FBXL7: variants seen among roughly 807,000 people sequenced by gnomAD.
FBXL7 encodes F-box/LRR-repeat protein 7.
In FBXL7, 12 loss-of-function variants were observed where a neutral mutation model predicts 38.3. The observed-to-expected ratio is 0.31, with a 90% CI of 0.20 to 0.51. The LOEUF is 0.51. FBXL7 is among the 20% of genes least tolerant of loss of function. The pLI is 0.98. For synonymous variants in FBXL7, 297 were observed against 300.9 expected (o/e 0.99, Z 0.13); for missense variants, 567 against 676.4 (o/e 0.84, Z 1.79).
intron 2 of FBXL7, among the ~76,000 whole-genome samples, chr5:15,916,277 T>C (rs1741581162): frequency 6.6e-6 from 1 of 152,164 alleles, no homozygotes; most frequent in Admixed American, 6.5e-5. Flanking sequence ...TAATTTCCAA[T>C]AGTCACCTGT....
At chr5:15,663,859 G>A (rs1398843085) in intron 2 of FBXL7, among the ~76,000 whole-genome samples, 1 of 152,100 alleles carries the variant, frequency 6.6e-6, no homozygotes, top group Non-Finnish European at 1.5e-5. Context: ...ATACAATATT[G>A]CTATTTATAG....
intron 2 of FBXL7, among the ~76,000 whole-genome samples, chr5:15,779,523 A>T (rs1736939615): frequency 6.6e-6 from 1 of 152,072 alleles, no homozygotes; most frequent in South Asian, 2.1e-4. Flanking sequence ...GAAAAGAGTG[A>T]CTTAGCAGCA....
rs769631788 is a variant in FBXL7 at position 15,621,684 on chromosome 5, C to A, written c.127+5612C>A. On this transcript the variant is annotated intron_variant, in intron 2 of 3. Coordinates refer to ENST00000504595, the MANE Select transcript of FBXL7 (RefSeq NM_012304.5). ...TTTCTGGAGCTGGGGGAAGGCAAAA[C>A]TGTCAGTTTAAAGGTCAAATTTGAT... Among the ~76,000 whole-genome samples the A allele has an allele frequency of 3.3e-5, 5 of 152,202 alleles. No individual in the cohort carries two copies. The South Asian group carries it at 8.3e-4, about 25-fold the overall frequency.
intron 1 of FBXL7, among the ~76,000 whole-genome samples, chr5:15,503,186 C>G (rs1005484697): frequency 1.3e-5 from 2 of 152,036 alleles, no homozygotes; most frequent in Non-Finnish European, 2.9e-5. Context: ...TTTGAGAGGC[C>G]GAGGCGGGCA....
chr5:15,670,858 A>G (rs1742445848), intron 2 of FBXL7, among the ~76,000 whole-genome samples: 1 of 152,050 alleles, frequency 6.6e-6, no homozygotes, highest in South Asian at 2.1e-4. Context: ...GGAATAAACA[A>G]CTCAGTTCCC....
intron 2 of FBXL7, among the ~76,000 whole-genome samples, chr5:15,866,259 T>TG (rs1739704682): frequency 1.3e-5 from 2 of 152,330 alleles, no homozygotes; most frequent in Non-Finnish European, 2.9e-5. Flanking sequence ...GAATGAGCCT[T>TG]GCAACTGTGG....
intron 2 of FBXL7, among the ~76,000 whole-genome samples, chr5:15,778,101 T>A (rs1736903727): frequency 6.6e-6 from 1 of 152,058 alleles, no homozygotes; most frequent in Non-Finnish European, 1.5e-5. Flanking sequence ...ATTTTATACC[T>A]CATTAATGGG....
intron 2 of FBXL7, among the ~76,000 whole-genome samples, chr5:15,704,541 T>C (rs568409762): frequency 5.9e-5 from 9 of 152,350 alleles, no homozygotes; most frequent in Admixed American, 1.3e-4. Context: ...CTCCATGTGG[T>C]GATGTCAAAT....
intron 2 of FBXL7, among the ~76,000 whole-genome samples, chr5:15,835,998 C>A (rs1425295096): frequency 6.6e-6 from 1 of 152,126 alleles, no homozygotes; most frequent in Non-Finnish European, 1.5e-5. Flanking sequence ...TCCACTAATA[C>A]TTAGATAGGT....
chr5:15,521,922 A>C (rs1451571000), intron 1 of FBXL7, among the ~76,000 whole-genome samples: 1 of 152,264 alleles, frequency 6.6e-6, no homozygotes, highest in Non-Finnish European at 1.5e-5. Context: ...ATGCAGATTC[A>C]TCTGAAGCTT....
chr5:15,556,995 T>G (rs190965790), intron 1 of FBXL7, among the ~76,000 whole-genome samples: 1 of 152,320 alleles, frequency 6.6e-6, no homozygotes, highest in Non-Finnish European at 1.5e-5. Context: ...TGGAGTGCGG[T>G]GGCGCGATCT....
chr5:15,822,471 G>T (rs1359858613), intron 2 of FBXL7, among the ~76,000 whole-genome samples: 2 of 152,118 alleles, frequency 1.3e-5, no homozygotes, highest in South Asian at 2.1e-4. Flanking sequence ...TTCCTCCCTA[G>T]AAATTCTTGT....
chr5:15,719,277 G>C (rs1314935322), intron 2 of FBXL7, among the ~76,000 whole-genome samples: 1 of 151,924 alleles, frequency 6.6e-6, no homozygotes, highest in Non-Finnish European at 1.5e-5. Context: ...TTATTCTCTT[G>C]TCGTTCTGTA....
At chr5:15,716,334 T>A (rs777194015) in intron 2 of FBXL7, among the ~76,000 whole-genome samples, 1 of 152,238 alleles carries the variant, frequency 6.6e-6, no homozygotes, top group Non-Finnish European at 1.5e-5. Context: ...TTGCTTTGTG[T>A]ATCTGACCCG....
intron 2 of FBXL7, among the ~76,000 whole-genome samples, chr5:15,824,253 G>A (rs1169610311): frequency 6.8e-6 from 1 of 147,070 alleles, no homozygotes; most frequent in African/African-American, 2.5e-5. Flanking sequence ...CAGAGATCAC[G>A]CCACTGCATT....
chr5:15,500,598 C>T lies in FBXL7; in HGVS notation c.-79C>T, dbSNP rs1736461185. 1 of 1,600,786 alleles carries T rather than the reference C, an allele frequency of 6.2e-7. No homozygotes were observed. Among genetic ancestry groups the T allele is most frequent in the Non-Finnish European group, 8.6e-7 (1 of 1,168,476 alleles). On this transcript the variant is annotated 5_prime_UTR_variant, in exon 1 of 4. Transcript: ENST00000504595. ...GCAGCTAACGGTCCCGTCGGGCGGGCTTTCCTCGGGCCGAGCGCGCAGGAC... is the reference window on the plus strand; with the variant it reads ...GCAGCTAACGGTCCCGTCGGGCGGGTTTTCCTCGGGCCGAGCGCGCAGGAC...
chr5:15,598,214 T>A (rs1411013540), intron 1 of FBXL7, among the ~76,000 whole-genome samples: 3 of 152,238 alleles, frequency 2.0e-5, no homozygotes, highest in Non-Finnish European at 4.4e-5. Context: ...TACATTAAAC[T>A]GTTTTCCAGC....
chr5:15,763,791 T>TA (rs1451010820), intron 2 of FBXL7, among the ~76,000 whole-genome samples: 2 of 152,104 alleles, frequency 1.3e-5, no homozygotes. Context: ...AAAGAACCAA[T>TA]AAAAAACATA....
At chr5:15,681,387 G>A (rs1742838296) in intron 2 of FBXL7, among the ~76,000 whole-genome samples, 1 of 152,292 alleles carries the variant, frequency 6.6e-6, no homozygotes, top group South Asian at 2.1e-4. Context: ...CTTTAAAAAT[G>A]TTGTCATAGA....
Sources: gnomAD v4.1 joint callset for allele counts (sites outside exome capture counted in the v4.1 genomes callset) on GRCh38, gnomAD v4.1.1 for gene constraint, MANE v1.5 for transcripts, NCBI Gene and HGNC (gene_info 2026-07-23, HGNC 2026-07-21) for gene names.